Variants in VAPB observed in about 807,000 individuals in gnomAD.
The protein encoded by VAPB is vesicle-associated membrane protein-associated protein B/C.
A neutral mutation model predicts 25.6 loss-of-function variants in VAPB; 7 were observed. The ratio of observed to expected loss-of-function variants is 0.27; its 90% confidence interval spans 0.16 to 0.51. The LOEUF is 0.51. VAPB is among the 20% of genes least tolerant of loss of function. The probability of loss-of-function intolerance (pLI) is 0.97; values close to 1 mark genes in which losing one functional copy is unlikely to be tolerated. For missense variants in VAPB, 266 were observed against 301.3 expected (o/e 0.88, Z 0.87); for synonymous variants, 112 against 109.2 (o/e 1.03, Z -0.16).
chr20:58,413,043 C>G lies in VAPB; in HGVS notation c.59-5168C>G, dbSNP rs6128336. On this transcript the variant is annotated intron_variant, in intron 1 of 5. Coordinates refer to ENST00000475243, the MANE Select transcript of VAPB (RefSeq NM_004738.5). ...ACCTTCAAACCAGAACTTTATACAT[C>G]TTAAGGCCCAATTTTTGTAATTAAG... Among the ~76,000 whole-genome samples, 388 of 151,690 alleles carry G rather than the reference C, an allele frequency of 2.6e-3. 8 individuals carry two copies. In the East Asian group the frequency reaches 0.062, roughly 24 times the overall value.
chr20:58,409,945 G>C (rs60183713), intron 1 of VAPB, among the ~76,000 whole-genome samples: 16,637 of 147,338 alleles, frequency 0.11, 1,039 homozygotes, highest in Middle Eastern at 0.18. Flanking sequence ...AATACAGATA[G>C]ATATTTTCAA....
chr20:58,392,385 A>G (rs1219487479), intron 1 of VAPB, among the ~76,000 whole-genome samples: 1 of 152,190 alleles, frequency 6.6e-6, no homozygotes, highest in African/African-American at 2.4e-5. Context: ...AAGTCACTGG[A>G]TATTTTTGCT....
chr20:58,408,595 G>A (rs567237499), intron 1 of VAPB, among the ~76,000 whole-genome samples: 1 of 151,036 alleles, frequency 6.6e-6, no homozygotes, highest in Admixed American at 6.6e-5. Flanking sequence ...CTGTTAGTAT[G>A]GTATCTTTCA....
At chr20:58,436,564 C>T (rs900437351) in intron 3 of VAPB, among the ~76,000 whole-genome samples, 1 of 151,822 alleles carries the variant, frequency 6.6e-6, no homozygotes, top group Non-Finnish European at 1.5e-5. Context: ...TGGACTCAAG[C>T]GATCTGCCCA....
chr20:58,420,274 C>T (rs561274859), intron 2 of VAPB, among the ~76,000 whole-genome samples: 3 of 152,282 alleles, frequency 2.0e-5, no homozygotes, highest in South Asian at 2.1e-4. Context: ...CGTGAGCCAC[C>T]GCGCCAGGCA....
intron 2 of VAPB, among the ~76,000 whole-genome samples, chr20:58,423,193 C>T (rs62205708): frequency 0.17 from 25,878 of 151,722 alleles, 2,386 homozygotes; most frequent in East Asian, 0.31. Flanking sequence ...AGGCGGATCA[C>T]CTGAGGTTGG....
chr20:58,448,415 C>T lies in VAPB; in HGVS notation c.*4180C>T, dbSNP rs1251846114. On this transcript the variant is annotated 3_prime_UTR_variant, in exon 6 of 6. Coordinates refer to ENST00000475243, the MANE Select transcript of VAPB (RefSeq NM_004738.5). Reference sequence around the variant, plus strand: ...CTGTTGTTTCAATGCCACTCCTTACCTGTATAGAACATTTCCAATACATTC... The same window carrying T: ...CTGTTGTTTCAATGCCACTCCTTACTTGTATAGAACATTTCCAATACATTC... 2.2e-6 allele frequency: 1 copy of T among 454,106 alleles called. No homozygotes were observed. Among genetic ancestry groups the T allele is most frequent in the Non-Finnish European group, 4.4e-6 (1 of 226,788 alleles). The allele number at this position is 454,106 out of a possible 1,614,324, so 28.1% of individuals were successfully genotyped here. A position where few individuals can be genotyped will look rare whatever the true frequency, so the allele number is the denominator to read the frequency against.
At chr20:58,424,938 C>T (rs181272087) in intron 2 of VAPB, among the ~76,000 whole-genome samples, 63 of 152,314 alleles carry the variant, frequency 4.1e-4, no homozygotes, top group Middle Eastern at 3.4e-3. Context: ...TCCATGGGCC[C>T]CTGAATAGGC....
intron 1 of VAPB, among the ~76,000 whole-genome samples, chr20:58,401,058 C>T (rs769707176): frequency 3.3e-5 from 5 of 152,230 alleles, no homozygotes; most frequent in South Asian, 2.1e-4. Context: ...CCTCTAACCT[C>T]GCTCAGAGAA....
rs1298065444 is a variant in VAPB at position 58,446,819 on chromosome 20, C to T, written c.*2584C>T. The stretch of plus-strand genomic sequence containing the variant: ...GTCATCCTGGCAGCCAAAAATGTGC[C>T]AGGAAAAGAAAGAATGTGGAGCACG... On this transcript the variant is annotated 3_prime_UTR_variant, in exon 6 of 6. Coordinates refer to ENST00000475243, the MANE Select transcript of VAPB (RefSeq NM_004738.5). 1 of 453,918 alleles carries T rather than the reference C, an allele frequency of 2.2e-6. No homozygotes were observed. The highest frequency in any genetic ancestry group is 2.4e-5 in the Admixed American group (1 of 42,548). 28.1% of individuals were successfully genotyped at this position (453,918 alleles called of 1,614,324 possible).
intron 3 of VAPB, 62 bp downstream of exon 3, chr20:58,434,767 G>T: frequency 2.4e-6 from 2 of 823,134 alleles, no homozygotes; most frequent in Non-Finnish European, 2.1e-6. Context: ...AATTAGATAT[G>T]GAATTGTGGG....
intron 1 of VAPB, among the ~76,000 whole-genome samples, chr20:58,413,674 C>T (rs80281056): frequency 2.0e-4 from 31 of 151,986 alleles, no homozygotes; most frequent in African/African-American, 6.7e-4. Flanking sequence ...ACCTCCCAGA[C>T]GGGGTGGTGG....
rs1001584757 is a variant in VAPB, at chr20:58,449,319, C to T, written c.*5084C>T. 2.2e-6 allele frequency: 1 copy of T among 448,918 alleles called. No homozygotes were observed. The highest frequency in any genetic ancestry group is 2.4e-5 in the Admixed American group (1 of 41,292). The allele number at this position is 448,918 out of a possible 1,614,324, so 27.8% of individuals were successfully genotyped here. ...CTTAACAATAGGGGCTTTTTATTTT[C>T]ATTACAGAGATATTTTGAAAAATTT... On this transcript the variant is annotated 3_prime_UTR_variant, in exon 6 of 6. Transcript: ENST00000475243.
At chr20:58,441,377 C>CT (rs1989158504) in intron 5 of VAPB, among the ~76,000 whole-genome samples, 1 of 151,982 alleles carries the variant, frequency 6.6e-6, no homozygotes, top group Admixed American at 6.6e-5. Context: ...TGCGGTGGCT[C>CT]ACGCCTGTAA....
rs1039112226 is a variant in VAPB at position 58,441,042 on chromosome 20, G to A, written c.532G>A (p.Gly178Ser). Residue 178 changes from glycine to serine, a missense_variant, in exon 5 of 6, where the codon GGT (glycine) becomes AGT (serine). Gly to Ser is a moderately conservative substitution (Grantham distance 56, BLOSUM62 0). Transcript: ENST00000475243. ...KVMEECKRLQ[G>S]EVQRLREENK... ...TATGGAAGAATGTAAGAGGCTGCAA[G>A]GTGAAGTTCAGAGGCTACGGGAGGA... 1.9e-6 allele frequency: 3 copies of A among 1,614,134 alleles called. No individual in the cohort carries two copies. Among genetic ancestry groups the A allele is most frequent in the Non-Finnish European group, 2.5e-6 (3 of 1,180,024 alleles).
intron 1 of VAPB, among the ~76,000 whole-genome samples, chr20:58,403,121 C>G (rs942333800): frequency 3.3e-5 from 5 of 152,178 alleles, no homozygotes; most frequent in Non-Finnish European, 2.9e-5. Flanking sequence ...GATGTAGACA[C>G]AGTGCATTTT....
intron 2 of VAPB, among the ~76,000 whole-genome samples, chr20:58,429,463 G>A (rs971190870): frequency 6.6e-6 from 1 of 152,188 alleles, no homozygotes; most frequent in Non-Finnish European, 1.5e-5. Flanking sequence ...GTCCTTCCAT[G>A]TCTACACTGT....
chr20:58,446,407 T>G lies in VAPB; in HGVS notation c.*2172T>G, dbSNP rs1436681061. The G allele has an allele frequency of 2.2e-6, 1 of 454,140 alleles. No individual in the cohort carries two copies. The allele number at this position is 454,140 out of a possible 1,614,324, so 28.1% of individuals were successfully genotyped here. A position where few individuals can be genotyped will look rare whatever the true frequency, so the allele number is the denominator to read the frequency against. On this transcript the variant is annotated 3_prime_UTR_variant, in exon 6 of 6. Transcript: ENST00000475243. ...TCCCCAACAGTGCCTAGGGGTACAG[T>G]ACAGTCCCATTACACTAGAGCAGGG...
At chr20:58,400,129 A>G (rs1191812555) in intron 1 of VAPB, among the ~76,000 whole-genome samples, 1 of 152,174 alleles carries the variant, frequency 6.6e-6, no homozygotes, top group African/African-American at 2.4e-5. Flanking sequence ...CAGCCTCCCA[A>G]GCCTGTGTGC....
Sources: gnomAD v4.1 joint callset for allele counts (sites outside exome capture counted in the v4.1 genomes callset) on GRCh38, gnomAD v4.1.1 for gene constraint, MANE v1.5 for transcripts, NCBI Gene and HGNC (gene_info 2026-07-23, HGNC 2026-07-21) for gene names.